Variants in DBNDD1 observed in about 807,000 individuals in gnomAD.
DBNDD1 encodes the protein dysbindin domain containing 1.
DBNDD1 carries 14 observed loss-of-function variants against 17.0 expected under a neutral mutation model. The observed-to-expected ratio is 0.82, with a 90% CI of 0.54 to 1.29. The LOEUF is 1.29. Among genes scored for constraint, DBNDD1 ranks in the 50% most tolerant of loss-of-function variants. The pLI is 0.00. For synonymous variants in DBNDD1, 105 were observed against 102.0 expected (o/e 1.03, Z -0.18); for missense variants, 221 against 216.2 (o/e 1.02, Z -0.14).
At chr16:90,009,956 C>T in intron 1 of DBNDD1, 1 of 1,613,500 alleles carries the variant, frequency 6.2e-7, no homozygotes, top group African/African-American at 1.3e-5. Flanking sequence ...AAGTTACAAA[C>T]CAGGAGGAAT....
intron 1 of DBNDD1, among the ~76,000 whole-genome samples, chr16:90,012,769 A>G (rs1311008451): frequency 2.0e-5 from 3 of 151,626 alleles, no homozygotes; most frequent in Non-Finnish European, 1.5e-5. Context: ...TCTCTCTCTC[A>G]AGAGACAAGG....
At chr16:90,015,630 T>C (rs183040152) in intron 1 of DBNDD1, among the ~76,000 whole-genome samples, 73 of 152,246 alleles carry the variant, frequency 4.8e-4, no homozygotes, top group African/African-American at 1.7e-3. Context: ...GATCAATGGA[T>C]AAACAGAATG....
At chr16:90,013,519 C>T (rs10852628) in intron 1 of DBNDD1, among the ~76,000 whole-genome samples, 87,136 of 151,786 alleles carry the variant, frequency 0.57, 27,414 homozygotes, top group South Asian at 0.74. Context: ...CTGATCATGG[C>T]GTGGAGATGG....
At chr16:90,014,321 T>G (rs940020278) in intron 1 of DBNDD1, among the ~76,000 whole-genome samples, 1 of 151,998 alleles carries the variant, frequency 6.6e-6, no homozygotes, top group Non-Finnish European at 1.5e-5. Flanking sequence ...GAGATGGGGT[T>G]TCTCCCTGTT....
In DBNDD1 at chr16:90,009,316, G is replaced by A. The variant is rs1469897757; in HGVS notation, c.146C>T (p.Ala49Val). The change falls in exon 2 of 4, where the codon GCA becomes GTA. Residue 49 changes from alanine to valine, a missense_variant. Coordinates refer to ENST00000002501, the MANE Select transcript of DBNDD1 (RefSeq NM_001042610.3). ...EEEVGGIPVP[A>V]PGLLQVTERR... Reference sequence around the variant, plus strand: ...CTCCGTGACCTGCAGGAGCCCCGGTGCTGGTACTGGGATGCCCCCGACCTC... The same window carrying A: ...CTCCGTGACCTGCAGGAGCCCCGGTACTGGTACTGGGATGCCCCCGACCTC... 6.2e-7 allele frequency: 1 copy of A among 1,613,576 alleles called. No homozygotes were observed. Among genetic ancestry groups the A allele is most frequent in the Non-Finnish European group, 8.5e-7 (1 of 1,180,002 alleles).
rs1427368625 is a variant in DBNDD1 at position 90,008,717 on chromosome 16, C to T, written c.319+67G>A. The T allele has an allele frequency of 2.6e-6, 4 of 1,509,498 alleles. 1 individual carries two copies. The East Asian group carries it at 6.9e-5, about 26-fold the overall frequency. The allele number at this position is 1,509,498 out of a possible 1,614,324, so 93.5% of individuals were successfully genotyped here. ...CCCTCAGCCCACCACACACACCTCC[C>T]AGGACTTCCCAAGGGGCCTCAGCCC... On this transcript the variant is annotated intron_variant, in intron 3 of 3. Coordinates refer to ENST00000002501, the MANE Select transcript of DBNDD1 (RefSeq NM_001042610.3).
rs528217376 is a variant in DBNDD1 at position 90,009,818 on chromosome 16, A to G, written c.32-388T>C. 7 of 860,808 alleles carry G rather than the reference A, an allele frequency of 8.1e-6. No individual in the cohort carries two copies. The South Asian group carries it at 1.2e-4, about 15-fold the overall frequency. The allele number at this position is 860,808 out of a possible 1,614,324, so 53.3% of individuals were successfully genotyped here. On this transcript the variant is annotated intron_variant, in intron 1 of 3. Coordinates refer to ENST00000002501, the MANE Select transcript of DBNDD1 (RefSeq NM_001042610.3). The stretch of plus-strand genomic sequence containing the variant: ...CCCAGGGTCCCCTGAAGGATCGCCC[A>G]TGGATTTCCATGTCCAGCCTCTTGG...
intron 1 of DBNDD1, chr16:90,009,926 A>G: frequency 6.3e-7 from 1 of 1,598,218 alleles, no homozygotes; most frequent in Non-Finnish European, 8.6e-7. Context: ...AGTTCAGAAT[A>G]ATACATTCTC....
intron 1 of DBNDD1, among the ~76,000 whole-genome samples, chr16:90,017,164 C>T (rs1200178346): frequency 6.6e-6 from 1 of 152,242 alleles, no homozygotes; most frequent in East Asian, 1.9e-4. Flanking sequence ...TCATTAATTC[C>T]TTTAGTTGCA....
Position 90,006,338 on chromosome 16 carries a change from G to T in DBNDD1, c.474C>A (p.Asp158Glu). 6.2e-7 allele frequency: 1 copy of T among 1,606,592 alleles called. No homozygotes were observed. Residue 158 changes from aspartate to glutamate, a missense_variant, in exon 4 of 4, where the codon GAC (aspartate) becomes GAA (glutamate). Physicochemically the swap from Asp to Glu is conservative, Grantham distance 45. Transcript: ENST00000002501. The part of the protein sequence containing the change: ...TFLTVERPQE[D>E] ...AGCTGGGGCAGGTGGAGATGGTCTA[G>T]TCCTCCTGGGGCCTCTCCACAGTGA...
intron 1 of DBNDD1, among the ~76,000 whole-genome samples, chr16:90,018,451 C>T (rs1464739190): frequency 6.6e-6 from 1 of 152,238 alleles, no homozygotes; most frequent in East Asian, 1.9e-4. Flanking sequence ...GAGCGGCAGG[C>T]TGGCCTGCCT....
chr16:90,006,826 C>T (rs1567831810), intron 3 of DBNDD1: 1 of 262,016 alleles, frequency 3.8e-6, no homozygotes, highest in Non-Finnish European at 7.7e-6. Context: ...GGTGTCCCAC[C>T]TCAGCCAACC....
chr16:90,009,710 G>A, intron 1 of DBNDD1: 1 of 625,792 alleles, frequency 1.6e-6, no homozygotes, highest in Non-Finnish European at 2.7e-6. Context: ...ACCCATGAAA[G>A]CCGACCATGC....
chr16:90,011,609 T>C (rs1300017860), intron 1 of DBNDD1: 1 of 452,876 alleles, frequency 2.2e-6, no homozygotes, highest in Non-Finnish European at 4.4e-6. Context: ...CCGAGTGCTG[T>C]GTCATGGCAT....
chr16:90,009,633 C>A (rs1479184463), intron 1 of DBNDD1: 4 of 729,272 alleles, frequency 5.5e-6, no homozygotes, highest in Non-Finnish European at 8.8e-6. Context: ...CTGCTCCTTC[C>A]CCTTGGGCCC....
Position 90,008,913 on chromosome 16 carries a change from T to A in DBNDD1, c.190A>T (p.Ser64Cys). The change falls in exon 3 of 4, where the codon AGC becomes TGC. Residue 64 changes from serine (S) to cysteine (C), a missense_variant. Physicochemically the swap from Ser to Cys is moderately radical, Grantham distance 112. Transcript: ENST00000002501. ...QVTERRQPLS[S>C]VSSLEVHFDL... ...AAGTGGACCTCCAGAGAGGAGACGC[T>A]GCTCAGAGGCTCTGAGGGCAGAGGG... 6.4e-7 allele frequency: 1 copy of A among 1,568,012 alleles called. No homozygotes were observed. The highest frequency in any genetic ancestry group is 2.3e-5 in the East Asian group (1 of 42,986).
chr16:90,014,230 G>A (rs1048114606), intron 1 of DBNDD1, among the ~76,000 whole-genome samples: 3 of 151,936 alleles, frequency 2.0e-5, no homozygotes, highest in South Asian at 2.1e-4. Context: ...GGGTTCAAGG[G>A]ATCCTCTTGC....
In DBNDD1 at chr16:90,006,335, C is replaced by G. The variant is rs756411374; in HGVS notation, c.477G>C (p.Ter159TyrextTer134). Residue 159 changes from the stop codon to tyrosine, a stop_lost, in exon 4 of 4, where the codon TAG (stop) becomes TAC (tyrosine). Transcript: ENST00000002501. ...AGGAGCTGGGGCAGGTGGAGATGGT[C>G]TAGTCCTCCTGGGGCCTCTCCACAG... ...FLTVERPQED[*>Y] is the part of the protein sequence containing the mutation. 2.5e-6 allele frequency: 4 copies of G among 1,605,980 alleles called. No individual in the cohort carries two copies. The highest frequency in any genetic ancestry group is 3.4e-6 in the Non-Finnish European group (4 of 1,177,574).
chr16:90,014,213 A>G (rs1393271899), intron 1 of DBNDD1, among the ~76,000 whole-genome samples: 2 of 150,442 alleles, frequency 1.3e-5, no homozygotes, highest in Non-Finnish European at 3.0e-5. Context: ...TGCAAACTCC[A>G]CCTCCTGGGT....
Sources: allele counts gnomAD v4.1 joint callset (sites outside exome capture counted in the v4.1 genomes callset), GRCh38; gene constraint gnomAD v4.1.1; transcripts MANE v1.5; gene names NCBI Gene and HGNC (gene_info 2026-07-23, HGNC 2026-07-21).